Variants in MAP2K1 observed in about 807,000 individuals in gnomAD.
MAP2K1 encodes the protein mitogen-activated protein kinase kinase 1.
A neutral mutation model predicts 46.3 loss-of-function variants in MAP2K1; 16 were observed. The ratio of observed to expected loss-of-function variants is 0.35; its 90% CI spans 0.23 to 0.52. MAP2K1 has a LOEUF of 0.52. Ranked by LOEUF, MAP2K1 falls within the 20% of genes least tolerant of loss-of-function variation. The probability of loss-of-function intolerance (pLI) is 0.94; values close to 1 mark genes in which losing one functional copy is unlikely to be tolerated. For synonymous variants in MAP2K1, 183 were observed against 185.6 expected (o/e 0.99, Z 0.11); for missense variants, 263 against 497.1 (o/e 0.53, Z 4.48).
intron 1 of MAP2K1, among the ~76,000 whole-genome samples, chr15:66,415,740 C>G (rs2093423073): frequency 6.6e-6 from 1 of 152,156 alleles, no homozygotes; most frequent in South Asian, 2.1e-4. Context: ...TGTTGCAGAA[C>G]AATGTGTGTA....
chr15:66,389,572 G>GTT (rs375412152), intron 1 of MAP2K1, among the ~76,000 whole-genome samples: 8,868 of 86,862 alleles, frequency 0.1, 672 homozygotes, highest in African/African-American at 0.17. Context: ...CTCTGTTGTG[G>GTT]TTTTTTTTTT....
At chr15:66,394,350 C>T (rs774581389) in intron 1 of MAP2K1, among the ~76,000 whole-genome samples, 24 of 137,598 alleles carry the variant, frequency 1.7e-4, no homozygotes, top group Middle Eastern at 3.9e-3. Flanking sequence ...GAACACACAT[C>T]TGTTAGAGTG....
chr15:66,467,006 T>G (rs1892484113), intron 5 of MAP2K1, among the ~76,000 whole-genome samples: 1 of 151,888 alleles, frequency 6.6e-6, no homozygotes, highest in African/African-American at 2.4e-5. Flanking sequence ...GGGCTGGGCA[T>G]GGTGGATCAC....
intron 1 of MAP2K1, among the ~76,000 whole-genome samples, chr15:66,433,991 G>A (rs373809378): frequency 3.9e-5 from 6 of 152,322 alleles, no homozygotes; most frequent in Non-Finnish European, 5.9e-5. Flanking sequence ...ATACCCACTC[G>A]CTTCAGCACC....
chr15:66,439,821 G>C (rs2093498676), intron 3 of MAP2K1, among the ~76,000 whole-genome samples: 1 of 151,640 alleles, frequency 6.6e-6, no homozygotes, highest in African/African-American at 2.4e-5. Flanking sequence ...TATAATCCCA[G>C]CTACTCAGGA....
At chr15:66,420,847 A>ATATGTGTATATATATATGTG (rs2093438803) in intron 1 of MAP2K1, among the ~76,000 whole-genome samples, 1 of 68,014 alleles carries the variant, frequency 1.5e-5, no homozygotes, top group African/African-American at 4.1e-5. Context: ...ATATGTGTGT[A>ATATGTGTATATATATATGTG]TATATATGTG....
At chr15:66,392,479 A>C (rs2093358945) in intron 1 of MAP2K1, among the ~76,000 whole-genome samples, 1 of 150,294 alleles carries the variant, frequency 6.7e-6, no homozygotes, top group South Asian at 2.1e-4. Flanking sequence ...GTGCTGGTGC[A>C]CCAGGAGTAT....
intron 1 of MAP2K1, among the ~76,000 whole-genome samples, chr15:66,405,682 A>T (rs1231028895): frequency 6.6e-6 from 1 of 151,896 alleles, no homozygotes; most frequent in Non-Finnish European, 1.5e-5. Context: ...TGACTCCGCT[A>T]CTCTCCCAGC....
intron 1 of MAP2K1, among the ~76,000 whole-genome samples, chr15:66,392,253 G>T (rs1037763919): frequency 6.0e-4 from 65 of 108,922 alleles, no homozygotes; most frequent in South Asian, 8.8e-4. Flanking sequence ...TGTTTTTTTT[G>T]GGTTTTTTTT....
chr15:66,429,105 A>G (rs2093467803), intron 1 of MAP2K1, among the ~76,000 whole-genome samples: 1 of 152,122 alleles, frequency 6.6e-6, no homozygotes, highest in African/African-American at 2.4e-5. Context: ...ATGGAATGAC[A>G]TAGTGTATTA....
intron 1 of MAP2K1, among the ~76,000 whole-genome samples, chr15:66,415,440 G>A (rs953218853): frequency 7.2e-5 from 11 of 152,190 alleles, no homozygotes; most frequent in African/African-American, 2.4e-4. Flanking sequence ...TCATCTTTGT[G>A]ATGTGGTAAG....
chr15:66,479,395 G>C (rs979867913), intron 5 of MAP2K1, among the ~76,000 whole-genome samples: 2 of 152,202 alleles, frequency 1.3e-5, no homozygotes, highest in Admixed American at 6.5e-5. Context: ...ACCATATCCT[G>C]CTGGGCCTTA....
intron 5 of MAP2K1, among the ~76,000 whole-genome samples, chr15:66,452,718 A>G (rs1294861910): frequency 2.0e-5 from 3 of 152,230 alleles, no homozygotes; most frequent in African/African-American, 7.2e-5. Flanking sequence ...GGATTAAGAA[A>G]TTACATATGG....
intron 5 of MAP2K1, among the ~76,000 whole-genome samples, chr15:66,463,184 T>G (rs78732833): frequency 0.029 from 4,365 of 152,244 alleles, 156 homozygotes; most frequent in African/African-American, 0.067. Context: ...TACATCTGAA[T>G]TAGGAAGCCC....
chr15:66,488,037 C>G (rs1049443869), intron 8 of MAP2K1, among the ~76,000 whole-genome samples: 4 of 152,124 alleles, frequency 2.6e-5, no homozygotes, highest in African/African-American at 9.7e-5. Context: ...CCAGGTCCTT[C>G]CCACCCAGTG....
chr15:66,481,267 C>T (rs1169573330), intron 5 of MAP2K1, among the ~76,000 whole-genome samples: 2 of 152,170 alleles, frequency 1.3e-5, no homozygotes, highest in African/African-American at 4.8e-5. Flanking sequence ...ATGCTCCATG[C>T]CTGGTGCAGA....
At chr15:66,475,482 C>G (rs1429386840) in intron 5 of MAP2K1, among the ~76,000 whole-genome samples, 1 of 152,210 alleles carries the variant, frequency 6.6e-6, no homozygotes, top group Non-Finnish European at 1.5e-5. Flanking sequence ...TCCACCTCTT[C>G]TCTTTCTTTT....
chr15:66,418,020 AG>A (rs1330147996), intron 1 of MAP2K1, among the ~76,000 whole-genome samples: 11 of 152,206 alleles, frequency 7.2e-5, no homozygotes, highest in Non-Finnish European at 5.9e-5. Flanking sequence ...AAATGCACAA[AG>A]CAAGGAAGGG....
intron 5 of MAP2K1, among the ~76,000 whole-genome samples, chr15:66,457,685 A>T (rs1290670993): frequency 1.3e-5 from 2 of 152,086 alleles, no homozygotes; most frequent in Non-Finnish European, 2.9e-5. Flanking sequence ...TAAGCACAAA[A>T]CTATGGTGGC....
Sources: allele counts gnomAD v4.1 joint callset (sites outside exome capture counted in the v4.1 genomes callset), GRCh38; gene constraint gnomAD v4.1.1; transcripts MANE v1.5; gene names NCBI Gene and HGNC (gene_info 2026-07-23, HGNC 2026-07-21).